RGS3: variants seen among roughly 807,000 people sequenced by gnomAD.
RGS3 encodes the protein regulator of G protein signaling 3.
A neutral mutation model predicts 132.6 loss-of-function variants in RGS3; 80 were observed. That is an observed-to-expected ratio of 0.60 (90% CI 0.50 to 0.73). The LOEUF (loss-of-function observed/expected upper bound fraction) is 0.73, where lower values mean the gene tolerates loss of function less well. RGS3 is among the 30% of genes least tolerant of loss of function. RGS3 has a pLI of 0.00. For synonymous variants in RGS3, 598 were observed against 620.6 expected (o/e 0.96, Z 0.54); for missense variants, 1,382 against 1,530.8 (o/e 0.90, Z 1.62).
intron 21 of RGS3, chr9:113,593,904 C>G: frequency 6.3e-7 from 1 of 1,590,200 alleles, no homozygotes; most frequent in Non-Finnish European, 8.6e-7. Context: ...CCCCCCACCA[C>G]TGTCTCCCTG....
At chr9:113,461,204 TAATG>T (rs1160604500) in intron 1 of RGS3, among the ~76,000 whole-genome samples, 1 of 152,130 alleles carries the variant, frequency 6.6e-6, no homozygotes, top group Non-Finnish European at 1.5e-5. Context: ...TGTGGTATGA[TAATG>T]TATGTGTGGA....
chr9:113,548,169 A>G (rs1440045281), intron 19 of RGS3, among the ~76,000 whole-genome samples: 2 of 152,168 alleles, frequency 1.3e-5, no homozygotes, highest in Admixed American at 1.3e-4. Flanking sequence ...GGTTGTAGAA[A>G]CCAAGTGAAA....
chr9:113,558,862 T>G (rs1219377116), intron 19 of RGS3, among the ~76,000 whole-genome samples: 1 of 152,232 alleles, frequency 6.6e-6, no homozygotes, highest in African/African-American at 2.4e-5. Flanking sequence ...TTGCTACCTA[T>G]CTCACTGCAG....
intron 1 of RGS3, among the ~76,000 whole-genome samples, chr9:113,447,491 T>G (rs1829140102): frequency 6.6e-6 from 1 of 150,696 alleles, no homozygotes; most frequent in Admixed American, 6.6e-5. Flanking sequence ...TGTATAAAAT[T>G]TTTTGGGGGT....
intron 19 of RGS3, among the ~76,000 whole-genome samples, chr9:113,540,037 T>TA (rs1458584332): frequency 6.6e-6 from 1 of 152,012 alleles, no homozygotes; most frequent in Non-Finnish European, 1.5e-5. Flanking sequence ...CTAGTATCCA[T>TA]TTTTTGTAGA....
intron 7 of RGS3, among the ~76,000 whole-genome samples, chr9:113,490,960 T>A (rs1237711607): frequency 7.6e-6 from 1 of 132,188 alleles, no homozygotes; most frequent in African/African-American, 2.9e-5. Flanking sequence ...TATCGGTATA[T>A]ATAATTATAT....
intron 6 of RGS3, among the ~76,000 whole-genome samples, chr9:113,484,496 C>T (rs543013681): frequency 6.6e-6 from 1 of 152,314 alleles, no homozygotes; most frequent in East Asian, 1.9e-4. Context: ...AATGCCCAGC[C>T]TGGGGCTGGC....
intron 3 of RGS3, among the ~76,000 whole-genome samples, chr9:113,475,482 T>C (rs989497245): frequency 3.3e-5 from 5 of 152,134 alleles, no homozygotes; most frequent in African/African-American, 1.2e-4. Flanking sequence ...CATAGCTCAC[T>C]ACAACTTCAA....
chr9:113,547,422 C>T (rs967716737), intron 19 of RGS3, among the ~76,000 whole-genome samples: 1 of 152,192 alleles, frequency 6.6e-6, no homozygotes, highest in Non-Finnish European at 1.5e-5. Context: ...CTTCTTCCAG[C>T]CTCCCCCATT....
chr9:113,575,519 C>G (rs546995354), intron 19 of RGS3, among the ~76,000 whole-genome samples: 7 of 152,170 alleles, frequency 4.6e-5, no homozygotes, highest in African/African-American at 1.7e-4. Context: ...CCACCTCCCC[C>G]GTCCTGCTCC....
In RGS3 at chr9:113,565,031, G is replaced by C; in HGVS notation, c.2038-18419G>C. The C allele has an allele frequency of 9.0e-7, 1 of 1,116,334 alleles. No individual in the cohort carries two copies. Among genetic ancestry groups the C allele is most frequent in the Non-Finnish European group, 1.1e-6 (1 of 903,812 alleles). The allele number at this position is 1,116,334 out of a possible 1,614,324, so 69.2% of individuals were successfully genotyped here. Reference sequence around the variant, plus strand: ...CAGCCTGGGAGCCCTCAGGATGTGTGTGGGGTGGAGCCTGCTAGGGATCCC... The same window carrying C: ...CAGCCTGGGAGCCCTCAGGATGTGTCTGGGGTGGAGCCTGCTAGGGATCCC... On this transcript the variant is annotated intron_variant, in intron 19 of 24. Transcript: ENST00000350696. The surrounding 1 kb of genome is among the most constrained non-coding windows in gnomAD (Gnocchi z 5.7).
chr9:113,560,146 A>G (rs1011390175), intron 19 of RGS3, among the ~76,000 whole-genome samples: 5 of 152,174 alleles, frequency 3.3e-5, no homozygotes, highest in African/African-American at 4.8e-5. Context: ...TGATTCCTTT[A>G]GTGAGAGGGC....
intron 13 of RGS3, 112 bp from the exon 12 acceptor site, chr9:113,508,429 T>C: frequency 2.0e-6 from 2 of 1,021,158 alleles, no homozygotes; most frequent in Non-Finnish European, 3.0e-6. Flanking sequence ...TTTTCTCTTG[T>C]GCCCTGAGGT....
chr9:113,526,459 C>T (rs572837863), intron 17 of RGS3, among the ~76,000 whole-genome samples: 3 of 152,228 alleles, frequency 2.0e-5, no homozygotes, highest in South Asian at 2.1e-4. Flanking sequence ...GTGGTCAGGA[C>T]GTAGGCTCTG....
chr9:113,514,331 C>G lies in RGS3; in HGVS notation c.1478-127C>G, dbSNP rs186676416. On this transcript the variant is annotated intron_variant, in intron 14 of 24. Transcript: ENST00000350696. ...TGTGTTTCAGCATCGTGCGCAGGGC[C>G]TGGCACAAAGTAGCTGCTCAGAAAG... 2.8e-4 allele frequency: 235 copies of G among 845,982 alleles called. 1 individual carries two copies. In the African/African-American group the frequency reaches 3.7e-3, roughly 13 times the overall value. The allele number at this position is 845,982 out of a possible 1,614,324, so 52.4% of individuals were successfully genotyped here.
At chr9:113,498,941 AAAG>A in intron 10 of RGS3, among the ~76,000 whole-genome samples, 1 of 150,732 alleles carries the variant, frequency 6.6e-6, no homozygotes, top group Non-Finnish European at 1.5e-5. Context: ...AAAAAAAAAA[AAAG>A]GACCGGGCAC....
rs138666227 is a variant in RGS3, at chr9:113,566,018, T to C, written c.2038-17432T>C. ...TTCTAGGCTGGACAGCCAGCTTTTCTTTCTCAGAGAAACAAGAAATGTTTG... is the reference window on the plus strand; with the variant it reads ...TTCTAGGCTGGACAGCCAGCTTTTCCTTCTCAGAGAAACAAGAAATGTTTG... On this transcript the variant is annotated intron_variant, in intron 19 of 24. Transcript: ENST00000350696. 7.6e-4 allele frequency among the ~76,000 whole-genome samples: 116 copies of C among 152,188 alleles called. 1 individual carries two copies. The highest frequency in any genetic ancestry group is 2.5e-3 in the African/African-American group (104 of 41,514).
intron 1 of RGS3, among the ~76,000 whole-genome samples, chr9:113,446,235 A>G (rs960741433): frequency 6.6e-6 from 1 of 152,230 alleles, no homozygotes; most frequent in African/African-American, 2.4e-5. Flanking sequence ...GTACCAGGGT[A>G]TGAAATTCAT....
At chr9:113,512,004 C>T (rs1156830362) in intron 14 of RGS3, among the ~76,000 whole-genome samples, 1 of 152,178 alleles carries the variant, frequency 6.6e-6, no homozygotes, top group African/African-American at 2.4e-5. Context: ...TGACTACTCA[C>T]ACTGTGGTAC....
Sources: gnomAD v4.1 joint callset for allele counts (sites outside exome capture counted in the v4.1 genomes callset) on GRCh38, gnomAD v4.1.1 for gene constraint, Gnocchi (gnomAD v3.1) non-coding constraint, MANE v1.5 for transcripts, NCBI Gene and HGNC (gene_info 2026-07-23, HGNC 2026-07-21) for gene names.